Variants in CTNNA3 observed in about 807,000 individuals in gnomAD.
The protein encoded by CTNNA3 is catenin alpha-3.
A neutral mutation model predicts 95.7 loss-of-function variants in CTNNA3; 76 were observed. The observed-to-expected ratio is 0.79, with a 90% CI of 0.66 to 0.96. CTNNA3 has a LOEUF of 0.96. CTNNA3 is among the 40% of genes least tolerant of loss of function. The probability of loss-of-function intolerance (pLI) is 0.00; values close to 1 mark genes in which losing one functional copy is unlikely to be tolerated. For synonymous variants in CTNNA3, 431 were observed against 374.4 expected, an observed-to-expected ratio of 1.15 and a Z score of -1.74; for missense variants, 1,191 against 1,089.8, an observed-to-expected ratio of 1.09 and a Z score of -1.31.
chr10:66,875,137 C>G (rs1035765239), intron 7 of CTNNA3, among the ~76,000 whole-genome samples: 1 of 151,976 alleles, frequency 6.6e-6, no homozygotes, highest in Non-Finnish European at 1.5e-5. Flanking sequence ...GAAAGAATGT[C>G]CAAAGCAGAA....
At chr10:66,786,022 G>T (rs913237140) in intron 7 of CTNNA3, among the ~76,000 whole-genome samples, 2 of 152,062 alleles carry the variant, frequency 1.3e-5, no homozygotes, top group South Asian at 2.1e-4. Context: ...GCTGTAAGTT[G>T]GTTGTGTCTG....
chr10:66,559,592 G>A (rs1842490779), intron 10 of CTNNA3, among the ~76,000 whole-genome samples: 2 of 151,942 alleles, frequency 1.3e-5, no homozygotes, highest in Non-Finnish European at 2.9e-5. Flanking sequence ...GGAGAATTTG[G>A]TGTACAACAT....
chr10:66,895,162 C>T (rs1043013242), intron 7 of CTNNA3, among the ~76,000 whole-genome samples: 1 of 151,016 alleles, frequency 6.6e-6, no homozygotes, highest in Non-Finnish European at 1.5e-5. Flanking sequence ...GGGTCTAGAA[C>T]TAAATATAAT....
At chr10:65,922,958 CTG>C (rs1431692864) in intron 17 of CTNNA3, among the ~76,000 whole-genome samples, 12 of 152,108 alleles carry the variant, frequency 7.9e-5, no homozygotes, top group Admixed American at 2.6e-4. Context: ...GCAGGGAAAA[CTG>C]CCTTATAAAA....
intron 5 of CTNNA3, among the ~76,000 whole-genome samples, chr10:67,360,188 A>C (rs2132667609): frequency 6.6e-6 from 1 of 152,234 alleles, no homozygotes. Flanking sequence ...CCGGCTATAA[A>C]TGAGATCTTT....
intron 13 of CTNNA3, among the ~76,000 whole-genome samples, chr10:66,169,105 G>A (rs938506357): frequency 1.6e-4 from 25 of 152,070 alleles, no homozygotes; most frequent in African/African-American, 6.0e-4. Flanking sequence ...GGTGATTTGT[G>A]AGATTTTGGT....
chr10:67,003,619 C>A (rs1017460998), intron 7 of CTNNA3, among the ~76,000 whole-genome samples: 2 of 152,176 alleles, frequency 1.3e-5, no homozygotes, highest in African/African-American at 2.4e-5. Context: ...ACTTACTTAA[C>A]CATGAAACCT....
chr10:67,626,268 G>T (rs1838952399), intron 2 of CTNNA3, among the ~76,000 whole-genome samples: 1 of 151,222 alleles, frequency 6.6e-6, no homozygotes. Flanking sequence ...ATTTGTCATT[G>T]ATCTTTTTCC....
At chr10:67,273,905 T>G (rs1220882077) in intron 5 of CTNNA3, among the ~76,000 whole-genome samples, 1 of 152,178 alleles carries the variant, frequency 6.6e-6, no homozygotes, top group Admixed American at 6.5e-5. Flanking sequence ...GGTTGTCTAG[T>G]GTGGGAGGCA....
intron 7 of CTNNA3, among the ~76,000 whole-genome samples, chr10:67,027,525 C>G (rs1463587270): frequency 2.1e-5 from 3 of 146,220 alleles, no homozygotes; most frequent in Non-Finnish European, 4.5e-5. Context: ...ACCTCTGCTT[C>G]CTGGGTTCAA....
At chr10:66,578,349 C>G (rs1589444836) in intron 10 of CTNNA3, among the ~76,000 whole-genome samples, 1 of 151,902 alleles carries the variant, frequency 6.6e-6, no homozygotes, top group African/African-American at 2.4e-5. Context: ...ATCTCCTTTA[C>G]TATATTGAAT....
chr10:67,394,901 T>C (rs574503496), intron 5 of CTNNA3, among the ~76,000 whole-genome samples: 2 of 152,230 alleles, frequency 1.3e-5, no homozygotes, highest in South Asian at 4.1e-4. Context: ...AAAAATTCTA[T>C]AAAATTTGGC....
chr10:67,619,016 AGT>A (rs1843744951), intron 2 of CTNNA3, among the ~76,000 whole-genome samples: 1 of 152,234 alleles, frequency 6.6e-6, no homozygotes, highest in African/African-American at 2.4e-5. Flanking sequence ...TTCTCTTAAA[AGT>A]GTAAATATGG....
At chr10:66,699,800 A>T (rs1272866281) in intron 9 of CTNNA3, among the ~76,000 whole-genome samples, 1 of 151,922 alleles carries the variant, frequency 6.6e-6, no homozygotes, top group Non-Finnish European at 1.5e-5. Flanking sequence ...CTGGGATTAC[A>T]GGCTTGTGCC....
At chr10:66,142,885 C>A (rs1443082747) in intron 13 of CTNNA3, among the ~76,000 whole-genome samples, 1 of 151,902 alleles carries the variant, frequency 6.6e-6, no homozygotes, top group Non-Finnish European at 1.5e-5. Context: ...AAGTCAGTTG[C>A]AGAGGAAGAA....
chr10:66,432,662 G>GAAAAA (rs11424847), intron 11 of CTNNA3, among the ~76,000 whole-genome samples: 1 of 120,442 alleles, frequency 8.3e-6, no homozygotes, highest in African/African-American at 3.0e-5. Context: ...CCATCTCACA[G>GAAAAA]AAAAAAAAAA....
In CTNNA3 at chr10:66,228,613, T is replaced by C. The variant is rs547626964; in HGVS notation, c.1884+51857A>G. On this transcript the variant is annotated intron_variant, in intron 13 of 17. Transcript: ENST00000433211. ...TGCTGATGAGAACAATGTGTACTTG[T>C]AGTTGTTGCATCAAATCTTCTCTAC... is the stretch of plus-strand genomic sequence containing the variant. 9.2e-5 allele frequency among the ~76,000 whole-genome samples: 14 copies of C among 152,232 alleles called. No individual in the cohort carries two copies. In the South Asian group the frequency reaches 1.7e-3, roughly 18 times the overall value.
At chr10:66,019,069 A>T (rs2079149464) in intron 15 of CTNNA3, among the ~76,000 whole-genome samples, 1 of 152,156 alleles carries the variant, frequency 6.6e-6, no homozygotes, top group Admixed American at 6.5e-5. Context: ...AAATGGCTAA[A>T]CTAACTCATG....
intron 14 of CTNNA3, among the ~76,000 whole-genome samples, chr10:66,071,355 T>C (rs1199368324): frequency 7.5e-5 from 2 of 26,826 alleles, no homozygotes; most frequent in South Asian, 1.7e-3. Flanking sequence ...TGTGTAACTA[T>C]TGATCTTGGA....
Sources: gnomAD v4.1 joint callset for allele counts (sites outside exome capture counted in the v4.1 genomes callset) on GRCh38, gnomAD v4.1.1 for gene constraint, MANE v1.5 for transcripts, NCBI Gene and HGNC (gene_info 2026-07-23, HGNC 2026-07-21) for gene names.